The following DSE variants were observed in gnomAD, a reference collection of about 807,000 sequenced individuals.
DSE encodes the protein dermatan sulfate epimerase, also known as dermatan-sulfate epimerase.
In DSE, 36 loss-of-function variants were observed where a neutral mutation model predicts 84.4. The ratio of observed to expected loss-of-function variants is 0.43; its 90% CI spans 0.33 to 0.56. The LOEUF (loss-of-function observed/expected upper bound fraction) is 0.56. Ranked by LOEUF, DSE falls within the 20% of genes least tolerant of loss-of-function variation. The pLI is 0.06. For missense variants in DSE, 862 were observed against 1,169.6 expected (o/e 0.74, Z 3.84); for synonymous variants, 410 against 430.1 (o/e 0.95, Z 0.58).
upstream of DSE, among the ~76,000 whole-genome samples, chr6:116,370,648 G>A (rs1256754862): frequency 6.6e-6 from 1 of 152,194 alleles, no homozygotes; most frequent in Non-Finnish European, 1.5e-5. Flanking sequence ...GAACAAGTTA[G>A]AGCCAAAGAG....
chr6:116,356,184 TCA>T (rs1778559918), intron 2 of DSE, among the ~76,000 whole-genome samples: 1 of 152,226 alleles, frequency 6.6e-6, no homozygotes, highest in African/African-American at 2.4e-5. Flanking sequence ...TGGGGTGGGC[TCA>T]GACATTTTTA....
chr6:116,431,996 G>A (rs185873043), intron 4 of DSE, among the ~76,000 whole-genome samples: 116 of 152,154 alleles, frequency 7.6e-4, no homozygotes, highest in African/African-American at 2.7e-3. Flanking sequence ...TTTGGCTCTG[G>A]TAGTATACAT....
chr6:116,409,142 G>A (rs954359569), intron 2 of DSE, among the ~76,000 whole-genome samples: 4 of 152,168 alleles, frequency 2.6e-5, no homozygotes, highest in South Asian at 4.1e-4. Flanking sequence ...ATAGCATAAT[G>A]TGTTAACTAT....
At chr6:116,331,105 AAGAAT>A (rs551691544) in intron 2 of DSE, among the ~76,000 whole-genome samples, 292 of 152,326 alleles carry the variant, frequency 1.9e-3, no homozygotes, top group Non-Finnish European at 3.0e-3. Flanking sequence ...TGGGCAAACG[AAGAAT>A]AGAAGAGAGC....
At chr6:116,273,877 T>C (rs367693791) in intron 2 of DSE, among the ~76,000 whole-genome samples, 6 of 149,638 alleles carry the variant, frequency 4.0e-5, no homozygotes, top group Admixed American at 4.0e-4. Flanking sequence ...GTCCCCAGGC[T>C]GGAGTGCCAT....
At chr6:116,257,017 C>T (rs1177151742) in intron 1 of DSE, among the ~76,000 whole-genome samples, 2 of 152,126 alleles carry the variant, frequency 1.3e-5, no homozygotes, top group African/African-American at 4.8e-5. Flanking sequence ...GAAGTTCAAA[C>T]ATAAATTAAT....
At chr6:116,375,556 T>C in intron 1 of DSE, 1 of 985,132 alleles carries the variant, frequency 1.0e-6, no homozygotes, top group East Asian at 1.1e-4. Context: ...TTCTATCATC[T>C]CACTTTAGTG....
At chr6:116,385,538 T>G (rs1438036653) in intron 1 of DSE, among the ~76,000 whole-genome samples, 9 of 142,842 alleles carry the variant, frequency 6.3e-5, no homozygotes, top group South Asian at 2.3e-4. Context: ...AAGGAGGGGG[T>G]GGGGTTGAGT....
intron 2 of DSE, among the ~76,000 whole-genome samples, chr6:116,404,978 G>A (rs1583182002): frequency 6.8e-6 from 1 of 146,498 alleles, no homozygotes; most frequent in African/African-American, 2.6e-5. Context: ...GGACAGAGAA[G>A]TAATTGTGTT....
Position 116,437,662 on chromosome 6 carries a change from A to T in DSE, c.*317A>T, listed in dbSNP as rs1384663718. 1.6e-5 allele frequency: 3 copies of T among 190,890 alleles called. No homozygotes were observed. Among genetic ancestry groups the T allele is most frequent in the East Asian group, 1.4e-4 (1 of 7,406 alleles). The allele number at this position is 190,890 out of a possible 1,614,324, so 11.8% of individuals were successfully genotyped here. ...TTAAAGTAATGTTTTTTCTTATGAGAAAAAGGTTTAGATAGAATTGGGTTT... is the reference window on the plus strand; with the variant it reads ...TTAAAGTAATGTTTTTTCTTATGAGTAAAAGGTTTAGATAGAATTGGGTTT... On this transcript the variant is annotated 3_prime_UTR_variant, in exon 6 of 6. Coordinates refer to ENST00000644252, the MANE Select transcript of DSE (RefSeq NM_013352.4).
Position 116,433,114 on chromosome 6 carries a change from G to A in DSE, c.911-229G>A, listed in dbSNP as rs3213531. 32,301 of 539,470 alleles carry A rather than the reference G, an allele frequency of 0.06. 1,330 individuals carry two copies. The highest frequency in any genetic ancestry group is 0.15 in the Admixed American group (4,859 of 31,770). The allele number at this position is 539,470 out of a possible 1,614,324, so 33.4% of individuals were successfully genotyped here. A position where few individuals can be genotyped will look rare whatever the true frequency, so the allele number is the denominator to read the frequency against. ...GTAGCACTAATGTTACCAAGGACAGGTTACCACATAATAAATACAAGCTTG... is the reference window on the plus strand; with the variant it reads ...GTAGCACTAATGTTACCAAGGACAGATTACCACATAATAAATACAAGCTTG... On this transcript the variant is annotated intron_variant, in intron 4 of 5. Transcript: ENST00000644252.
At chr6:116,407,754 G>T (rs374297848) in intron 2 of DSE, among the ~76,000 whole-genome samples, 29 of 152,268 alleles carry the variant, frequency 1.9e-4, no homozygotes, top group African/African-American at 7.0e-4. Flanking sequence ...TCAGGAAAAA[G>T]TACCTTTGAT....
intron 2 of DSE, among the ~76,000 whole-genome samples, chr6:116,321,982 A>C (rs902244949): frequency 2.6e-5 from 4 of 152,160 alleles, no homozygotes; most frequent in Non-Finnish European, 4.4e-5. Flanking sequence ...TAAAGAAGGA[A>C]GGGGTTTGTT....
intron 2 of DSE, among the ~76,000 whole-genome samples, chr6:116,322,499 A>G (rs1776386258): frequency 6.6e-6 from 1 of 152,128 alleles, no homozygotes; most frequent in African/African-American, 2.4e-5. Context: ...TCTGCCACTG[A>G]GTCTTTAGAC....
intron 2 of DSE, among the ~76,000 whole-genome samples, chr6:116,348,965 G>C (rs34513321): frequency 6.6e-6 from 1 of 151,834 alleles, no homozygotes; most frequent in South Asian, 2.1e-4. Context: ...TCACACACCA[G>C]GGTGGGGTGG....
intron 1 of DSE, among the ~76,000 whole-genome samples, chr6:116,393,614 G>C (rs1340224900): frequency 6.6e-6 from 1 of 152,234 alleles, no homozygotes; most frequent in African/African-American, 2.4e-5. Context: ...ACAGAAGGGA[G>C]GTTTTGAGAG....
intron 2 of DSE, among the ~76,000 whole-genome samples, chr6:116,323,936 T>G (rs1294520727): frequency 1.3e-5 from 2 of 152,294 alleles, no homozygotes; most frequent in South Asian, 4.1e-4. Context: ...AATGGCTGAT[T>G]TATCCAACTC....
At chr6:116,381,382 T>G (rs1422475243) in intron 1 of DSE, among the ~76,000 whole-genome samples, 1 of 152,144 alleles carries the variant, frequency 6.6e-6, no homozygotes, top group Non-Finnish European at 1.5e-5. Flanking sequence ...TTATGAAAGC[T>G]CTTGGACAAG....
At position 116,421,413 on chromosome 6, in the gene DSE, CAT is replaced by C. The variant is rs1491520510; in HGVS notation, c.417-5158_417-5157del. ...AAAGCTCATTTCATATTAACATAAACATATTTTAGGAAAAAATAACTATATAT... is the reference window on the plus strand; with the variant it reads ...AAAGCTCATTTCATATTAACATAAACATTTTAGGAAAAAATAACTATATAT... On this transcript the variant is annotated intron_variant, in intron 2 of 5. Coordinates refer to ENST00000644252, the MANE Select transcript of DSE (RefSeq NM_013352.4). Among the ~76,000 whole-genome samples, 123 of 122,228 alleles carry C rather than the reference CAT, an allele frequency of 1.0e-3. 1 individual carries two copies. Among genetic ancestry groups the C allele is most frequent in the South Asian group, 1.6e-3 (6 of 3,684 alleles). 80.2% of individuals were successfully genotyped at this position (122,228 alleles called of 152,430 possible). A position where few individuals can be genotyped will look rare whatever the true frequency, so the allele number is the denominator to read the frequency against.
Sources: gnomAD v4.1 joint callset for allele counts (sites outside exome capture counted in the v4.1 genomes callset) on GRCh38, gnomAD v4.1.1 for gene constraint, MANE v1.5 for transcripts, NCBI Gene and HGNC (gene_info 2026-07-23, HGNC 2026-07-21) for gene names.